The following SYNPR variants were observed in gnomAD, a reference collection of about 807,000 sequenced individuals.
The protein encoded by SYNPR is synaptoporin.
A neutral mutation model predicts 32.9 loss-of-function variants in SYNPR; 23 were observed. The observed-to-expected ratio is 0.70, with a 90% CI of 0.50 to 0.99. The LOEUF is 0.99. SYNPR is among the 50% of genes least tolerant of loss of function. The pLI is 0.00. For missense variants in SYNPR, 318 were observed against 349.3 expected (o/e 0.91, Z 0.71); for synonymous variants, 146 against 135.9 (o/e 1.07, Z -0.52).
chr3:63,397,590 T>C (rs533219580), intron 2 of SYNPR, among the ~76,000 whole-genome samples: 2 of 152,140 alleles, frequency 1.3e-5, no homozygotes, highest in African/African-American at 4.8e-5. Context: ...ATTCCTGAGG[T>C]CTTACTCGCT....
intron 2 of SYNPR, among the ~76,000 whole-genome samples, chr3:63,436,853 A>G (rs1013879979): frequency 2.6e-5 from 4 of 152,032 alleles, no homozygotes; most frequent in African/African-American, 9.7e-5. Context: ...ATCTTTCTCT[A>G]CAGGGTATGG....
upstream of SYNPR, chr3:63,278,303 T>C (rs1015749583): frequency 2.2e-5 from 13 of 579,628 alleles, no homozygotes; most frequent in African/African-American, 5.6e-5. Flanking sequence ...AGCTCTTCCC[T>C]GCCCACCCCT....
At position 63,480,969 on chromosome 3, in the gene SYNPR, G is replaced by T. The variant is rs1194477342; in HGVS notation, c.209+13G>T. On this transcript the variant is annotated intron_variant, in intron 3 of 5. Transcript: ENST00000478300. The stretch of plus-strand genomic sequence containing the variant: ...CCTACCCATTCAGGTAGGGAATGGT[G>T]GTTCATGCTTGTTAGCCTCACAGGG... 6 of 1,607,126 alleles carry T rather than the reference G, an allele frequency of 3.7e-6. No homozygotes were observed. Among genetic ancestry groups the T allele is most frequent in the Non-Finnish European group, 5.1e-6 (6 of 1,175,620 alleles).
chr3:63,333,477 A>G (rs1344969727), intron 2 of SYNPR, among the ~76,000 whole-genome samples: 1 of 152,128 alleles, frequency 6.6e-6, no homozygotes. Context: ...AGTGCAGTGA[A>G]GTGATCACAG....
chr3:63,540,957 A>ACACACC (rs1702291384), intron 3 of SYNPR, among the ~76,000 whole-genome samples: 1 of 150,494 alleles, frequency 6.6e-6, no homozygotes, highest in African/African-American at 2.4e-5. Flanking sequence ...ACACACACAC[A>ACACACC]CACATATACA....
chr3:63,437,576 A>G (rs1352551333), intron 2 of SYNPR, among the ~76,000 whole-genome samples: 1 of 144,600 alleles, frequency 6.9e-6, no homozygotes, highest in African/African-American at 2.5e-5. Flanking sequence ...GAAAGAAAGA[A>G]GAGTGAGAGA....
chr3:63,440,642 C>T (rs1198363629), intron 2 of SYNPR, among the ~76,000 whole-genome samples: 1 of 152,076 alleles, frequency 6.6e-6, no homozygotes, highest in Admixed American at 6.6e-5. Context: ...TTAGAATCTG[C>T]CTATTAGCCT....
At position 63,289,858 on chromosome 3, in the gene SYNPR, C is replaced by T. The variant is rs997991459; in HGVS notation, c.84+11116C>T. On this transcript the variant is annotated intron_variant, in intron 2 of 5. Transcript: ENST00000478300. Reference sequence around the variant, plus strand: ...TAAAAAACTCCTTTTCAGCCGGGCGCGGTGTCTCACGCCTGTAATCCCAGC... The same window carrying T: ...TAAAAAACTCCTTTTCAGCCGGGCGTGGTGTCTCACGCCTGTAATCCCAGC... Among the ~76,000 whole-genome samples, 8 of 152,130 alleles carry T rather than the reference C, an allele frequency of 5.3e-5. 1 individual carries two copies. Among genetic ancestry groups the T allele is most frequent in the South Asian group, 2.1e-4 (1 of 4,822 alleles).
intron 2 of SYNPR, among the ~76,000 whole-genome samples, chr3:63,376,525 C>T (rs1286101084): frequency 6.6e-6 from 1 of 152,114 alleles, no homozygotes; most frequent in Non-Finnish European, 1.5e-5. Context: ...CTTTTTGTCT[C>T]TGTAAAGGGG....
intron 2 of SYNPR, among the ~76,000 whole-genome samples, chr3:63,255,364 T>G (rs1418223465): frequency 6.6e-6 from 1 of 152,162 alleles, no homozygotes; most frequent in Non-Finnish European, 1.5e-5. Flanking sequence ...TTGATGATCC[T>G]TTAGCCTGAA....
intron 2 of SYNPR, among the ~76,000 whole-genome samples, chr3:63,343,025 G>C (rs745601368): frequency 1.7e-4 from 26 of 152,308 alleles, no homozygotes; most frequent in Non-Finnish European, 3.2e-4. Flanking sequence ...GTGAGCTAAG[G>C]CCTGAAGGGA....
At chr3:63,304,311 C>A (rs868370917) in intron 2 of SYNPR, among the ~76,000 whole-genome samples, 1 of 151,540 alleles carries the variant, frequency 6.6e-6, no homozygotes, top group Non-Finnish European at 1.5e-5. Flanking sequence ...CCTTCAATCA[C>A]CTTGAGAGCT....
chr3:63,255,874 T>A (rs1296586800), intron 2 of SYNPR, among the ~76,000 whole-genome samples: 2 of 152,200 alleles, frequency 1.3e-5, no homozygotes, highest in Non-Finnish European at 2.9e-5. Context: ...CCCACCCTAA[T>A]ACTGCACTTT....
intron 2 of SYNPR, among the ~76,000 whole-genome samples, chr3:63,296,853 GCTGT>G (rs1256881668): frequency 1.3e-5 from 2 of 151,962 alleles, no homozygotes; most frequent in Non-Finnish European, 2.9e-5. Context: ...TATAAAGAGG[GCTGT>G]CTAATAGAAC....
rs60572999 is a variant in SYNPR, at chr3:63,499,905, TCA to T, written c.209+18964_209+18965del. 1.1e-4 allele frequency among the ~76,000 whole-genome samples: 17 copies of T among 150,912 alleles called. No individual in the cohort carries two copies. The South Asian group carries it at 1.7e-3, about 15-fold the overall frequency. The stretch of plus-strand genomic sequence containing the variant: ...CAGTTCAGTGAAGAAGAAAAGATAA[TCA>T]CACACACACACACAAAAACTGTTTT... On this transcript the variant is annotated intron_variant, in intron 3 of 5. Transcript: ENST00000478300.
intron 2 of SYNPR, among the ~76,000 whole-genome samples, chr3:63,400,609 A>T (rs1026109988): frequency 3.9e-5 from 6 of 152,292 alleles, no homozygotes; most frequent in African/African-American, 1.4e-4. Context: ...CTTTTTCGAG[A>T]TAACCTGGGA....
intron 2 of SYNPR, among the ~76,000 whole-genome samples, chr3:63,256,931 T>A (rs954006884): frequency 1.1e-4 from 16 of 152,098 alleles, no homozygotes; most frequent in Non-Finnish European, 2.9e-5. Context: ...TGCACAAGCC[T>A]CAGCAGCCAA....
chr3:63,406,173 G>T (rs2088356827), intron 2 of SYNPR, among the ~76,000 whole-genome samples: 1 of 151,322 alleles, frequency 6.6e-6, no homozygotes, highest in Non-Finnish European at 1.5e-5. Context: ...TAACATTCAA[G>T]TCTTGAGGTG....
chr3:63,287,314 C>A (rs1005406364), intron 2 of SYNPR, among the ~76,000 whole-genome samples: 3 of 152,118 alleles, frequency 2.0e-5, no homozygotes, highest in African/African-American at 4.8e-5. Flanking sequence ...TTCCACTGCC[C>A]AGAATGCTCC....
Sources: gnomAD v4.1 joint callset for allele counts (sites outside exome capture counted in the v4.1 genomes callset) on GRCh38, gnomAD v4.1.1 for gene constraint, MANE v1.5 for transcripts, NCBI Gene and HGNC (gene_info 2026-07-23, HGNC 2026-07-21) for gene names.